Variants in PLEKHD1 observed in about 807,000 individuals in gnomAD.
PLEKHD1 encodes the protein pleckstrin homology and coiled-coil domain containing D1, also known as pleckstrin homology domain-containing family D member 1.
Under a neutral mutation model 69.2 loss-of-function variants are expected in PLEKHD1, and 51 were observed. The observed-to-expected ratio is 0.74, with a 90% CI of 0.59 to 0.93. PLEKHD1 has a LOEUF of 0.93. Ranked by LOEUF, PLEKHD1 falls within the 40% of genes least tolerant of loss-of-function variation. PLEKHD1 has a pLI of 0.00. For missense variants in PLEKHD1, 584 were observed against 641.0 expected (o/e 0.91, Z 0.96); for synonymous variants, 236 against 244.7 (o/e 0.96, Z 0.33).
At chr14:69,515,137 G>A (rs1883355660) in intron 6 of PLEKHD1, among the ~76,000 whole-genome samples, 3 of 152,212 alleles carry the variant, frequency 2.0e-5, no homozygotes, top group African/African-American at 7.2e-5. Flanking sequence ...GGCAGAGGTT[G>A]CAGTGAGCCA....
Position 69,527,309 on chromosome 14 carries a change from G to A in PLEKHD1, c.1178G>A (p.Arg393Gln), listed in dbSNP as rs1192446035. Reference sequence around the variant, plus strand: ...AATAAGGAGAAGGAGGAGAGGATGCGGGCTGATGTGAGCCATCTGAAAAGT... The same window carrying A: ...AATAAGGAGAAGGAGGAGAGGATGCAGGCTGATGTGAGCCATCTGAAAAGT... ...VRNKEKEERM[R>Q]ADVSHLKRFF... Residue 393 changes from arginine to glutamine, a missense_variant, in exon 11 of 13, where the codon CGG (arginine) becomes CAG (glutamine). By Grantham distance (43) the Arg-to-Gln change is conservative (BLOSUM62 1). Transcript: ENST00000322564. 12 of 1,551,724 alleles carry A rather than the reference G, an allele frequency of 7.7e-6. No homozygotes were observed. The highest frequency in any genetic ancestry group is 2.0e-5 in the Admixed American group (1 of 51,018).
rs1205109975 is a variant in PLEKHD1, at chr14:69,522,326, A to T, written c.599A>T (p.Gln200Leu). Residue 200 changes from glutamine to leucine, a missense_variant, in exon 7 of 13, where the codon CAG becomes CTG. Gln to Leu is a moderately radical substitution (Grantham distance 113, BLOSUM62 -2). Transcript: ENST00000322564. ...LNQVLEAEKQ[Q>L]FEEVVQELRM... ...CAGGTGCTGGAGGCCGAGAAGCAGCAGTTCGAGGAGGTGGTGCAGGAGCTG... is the reference window on the plus strand; with the variant it reads ...CAGGTGCTGGAGGCCGAGAAGCAGCTGTTCGAGGAGGTGGTGCAGGAGCTG... The T allele has an allele frequency of 1.3e-6, 2 of 1,551,614 alleles. No individual in the cohort carries two copies. Among genetic ancestry groups the T allele is most frequent in the Non-Finnish European group, 1.7e-6 (2 of 1,146,950 alleles).
At chr14:69,509,806 C>T (rs1404510817) in intron 6 of PLEKHD1, among the ~76,000 whole-genome samples, 17 of 151,960 alleles carry the variant, frequency 1.1e-4, no homozygotes, top group Non-Finnish European at 8.8e-5. Context: ...GGCGTGGTGG[C>T]GGGCGCCTGT....
chr14:69,496,713 T>TTC (rs1555337119), intron 1 of PLEKHD1, among the ~76,000 whole-genome samples: 4 of 149,314 alleles, frequency 2.7e-5, no homozygotes, highest in African/African-American at 9.9e-5. Flanking sequence ...TTTTTTTTTT[T>TTC]TTTTTTTTTT....
At chr14:69,494,438 T>A (rs1882843541) in intron 1 of PLEKHD1, among the ~76,000 whole-genome samples, 1 of 152,128 alleles carries the variant, frequency 6.6e-6, no homozygotes, top group Non-Finnish European at 1.5e-5. Context: ...TAGGGACTAT[T>A]GACCATGGGT....
chr14:69,515,926 A>G (rs1463299694), intron 6 of PLEKHD1, among the ~76,000 whole-genome samples: 1 of 152,218 alleles, frequency 6.6e-6, no homozygotes, highest in Non-Finnish European at 1.5e-5. Flanking sequence ...TGTCTTTTCA[A>G]TTTTGGGAAT....
At chr14:69,475,070 A>G in the PLEKHD1 span, among the ~76,000 whole-genome samples, 1 of 152,222 alleles carries the variant, frequency 6.6e-6, no homozygotes, top group East Asian at 1.9e-4. Flanking sequence ...TAACTTGACC[A>G]AAGTCTTCTC....
intron 7 of PLEKHD1, among the ~76,000 whole-genome samples, chr14:69,523,864 G>T (rs962980035): frequency 2.0e-5 from 3 of 152,198 alleles, no homozygotes; most frequent in Admixed American, 2.0e-4. Flanking sequence ...AGGGGCCTTA[G>T]CCATGTTCTA....
chr14:69,500,622 C>T lies in PLEKHD1; in HGVS notation c.289C>T (p.Pro97Ser). 2 of 1,551,332 alleles carry T rather than the reference C, an allele frequency of 1.3e-6. No homozygotes were observed. The part of the protein sequence containing the change: ...GGCLVEPKEE[P>S]SMPYAMKISH... Reference sequence around the variant, plus strand: ...CTGCCTGGTGGAGCCCAAGGAAGAGCCTAGCATGCCCTATGCCATGAAGAT... The same window carrying T: ...CTGCCTGGTGGAGCCCAAGGAAGAGTCTAGCATGCCCTATGCCATGAAGAT... The change falls in exon 3 of 13, where the codon CCT (proline) becomes TCT (serine). Residue 97 changes from proline to serine, a missense_variant. Transcript: ENST00000322564.
rs1360597411 is a variant in PLEKHD1, at chr14:69,528,443, A to G, written c.*24A>G. The G allele has an allele frequency of 1.3e-6, 2 of 1,547,426 alleles. No homozygotes were observed. The highest frequency in any genetic ancestry group is 3.9e-5 in the Admixed American group (2 of 50,894). On this transcript the variant is annotated 3_prime_UTR_variant, in exon 13 of 13. Transcript: ENST00000322564. ...GATGGGCGCTCCTCCCCTGCTTCCC[A>G]AGTCTCCCCTGGATGGGCGGGGGAG...
intron 7 of PLEKHD1, 141 bp downstream of exon 7, chr14:69,522,518 T>G (rs1169466728): frequency 1.2e-6 from 1 of 868,702 alleles, no homozygotes; most frequent in African/African-American, 1.7e-5. Context: ...CCAGTTTGAG[T>G]CTGTCCTCCA....
chr14:69,475,386 G>A, the PLEKHD1 span, among the ~76,000 whole-genome samples: 44 of 152,356 alleles, frequency 2.9e-4, 1 homozygote, highest in East Asian at 6.8e-3. Context: ...TGCCCACAGC[G>A]ATGCCGGTGG....
intron 6 of PLEKHD1, among the ~76,000 whole-genome samples, chr14:69,504,581 CAACTTTACATCTTAATTTT>C: frequency 6.6e-6 from 1 of 152,352 alleles, no homozygotes; most frequent in Non-Finnish European, 1.5e-5. Context: ...TGATTTTTCA[CAACTTTACATCTTAATTTT>C]AATCCAACAG....
intron 1 of PLEKHD1, among the ~76,000 whole-genome samples, chr14:69,491,249 T>C (rs1304979219): frequency 1.3e-5 from 2 of 152,198 alleles, no homozygotes; most frequent in African/African-American, 4.8e-5. Context: ...ACAGCAGGTA[T>C]TTATGAGTCT....
intron 1 of PLEKHD1, among the ~76,000 whole-genome samples, chr14:69,490,012 A>C (rs1159718753): frequency 1.3e-5 from 2 of 152,148 alleles, no homozygotes. Context: ...GATCACAGGC[A>C]TGTACCACCA....
At chr14:69,508,803 T>A (rs1883208544) in intron 6 of PLEKHD1, among the ~76,000 whole-genome samples, 1 of 152,174 alleles carries the variant, frequency 6.6e-6, no homozygotes, top group African/African-American at 2.4e-5. Flanking sequence ...CAGTTGACTG[T>A]TTGATTCACA....
chr14:69,507,645 T>G (rs1354304649), intron 6 of PLEKHD1, among the ~76,000 whole-genome samples: 1 of 152,270 alleles, frequency 6.6e-6, no homozygotes, highest in Non-Finnish European at 1.5e-5. Context: ...TGAGAGTTCC[T>G]GTTGCTCCAC....
At chr14:69,501,166 G>A (rs944983745) in intron 4 of PLEKHD1, 11 of 589,052 alleles carry the variant, frequency 1.9e-5, no homozygotes, top group Non-Finnish European at 3.0e-5. Context: ...GGTGGCAGGT[G>A]TGGGTACCAT....
At chr14:69,505,424 G>A (rs751739740) in intron 6 of PLEKHD1, among the ~76,000 whole-genome samples, 11 of 152,176 alleles carry the variant, frequency 7.2e-5, no homozygotes, top group East Asian at 3.8e-4. Context: ...GCCTTGAGCC[G>A]CTGAGGCAAT....
Sources: gnomAD v4.1 joint callset for allele counts (sites outside exome capture counted in the v4.1 genomes callset) on GRCh38, gnomAD v4.1.1 for gene constraint, MANE v1.5 for transcripts, NCBI Gene and HGNC (gene_info 2026-07-23, HGNC 2026-07-21) for gene names.